Variants in MAP3K20 observed in about 807,000 individuals in gnomAD.
The protein encoded by MAP3K20 is mitogen-activated protein kinase kinase kinase 20.
A neutral mutation model predicts 85.7 loss-of-function variants in MAP3K20; 40 were observed. The ratio of observed to expected loss-of-function variants is 0.47; its 90% CI spans 0.36 to 0.61. The LOEUF is 0.61. Among genes scored for constraint, MAP3K20 ranks in the 20% least tolerant of loss-of-function variants. The pLI is 0.00. For synonymous variants in MAP3K20, 325 were observed against 327.7 expected, an observed-to-expected ratio of 0.99 and a Z score of 0.09; for missense variants, 817 against 961.7, an observed-to-expected ratio of 0.85 and a Z score of 1.99.
chr2:173,252,838 CA>C (rs1206539837), intron 16 of MAP3K20, among the ~76,000 whole-genome samples: 2 of 152,212 alleles, frequency 1.3e-5, no homozygotes, highest in African/African-American at 4.8e-5. Flanking sequence ...GCCAATCATA[CA>C]CAATACCTCC....
At chr2:173,094,673 T>A (rs1442111520) in intron 2 of MAP3K20, among the ~76,000 whole-genome samples, 4 of 152,118 alleles carry the variant, frequency 2.6e-5, no homozygotes, top group Non-Finnish European at 4.4e-5. Flanking sequence ...TGTGATTTCC[T>A]CCCCAGCCCC....
intron 2 of MAP3K20, among the ~76,000 whole-genome samples, chr2:173,129,916 G>C (rs2106199031): frequency 6.6e-6 from 1 of 152,278 alleles, no homozygotes; most frequent in South Asian, 2.1e-4. Context: ...AGTATTTACT[G>C]TTGATAAAGA....
Position 173,266,573 on chromosome 2 carries a change from CATACCAGGG to C in MAP3K20, c.2229_2237del (p.Ile743_Gly745del). The C allele has an allele frequency of 6.2e-7, 1 of 1,613,812 alleles. No homozygotes were observed. Among genetic ancestry groups the C allele is most frequent in the Non-Finnish European group, 8.5e-7 (1 of 1,179,948 alleles). ...CCAGGGACCTCCACCAACCCAACAC[CATACCAGGG>C]ATGCCTTTGCACCCTGAGACTGACT... On this transcript the variant is annotated inframe_deletion, in exon 20 of 20. Coordinates refer to ENST00000375213, the MANE Select transcript of MAP3K20 (RefSeq NM_016653.3).
chr2:173,132,461 A>C (rs1688645635), intron 2 of MAP3K20, among the ~76,000 whole-genome samples: 1 of 152,136 alleles, frequency 6.6e-6, no homozygotes. Flanking sequence ...TTCGGACTCC[A>C]GCTGAAATGC....
At chr2:173,108,423 G>A (rs894106860) in intron 2 of MAP3K20, among the ~76,000 whole-genome samples, 3 of 152,180 alleles carry the variant, frequency 2.0e-5, no homozygotes, top group African/African-American at 4.8e-5. Flanking sequence ...GAGCCACCGC[G>A]CCCGGCATAA....
intron 2 of MAP3K20, among the ~76,000 whole-genome samples, chr2:173,100,009 A>G (rs1031274456): frequency 6.6e-6 from 1 of 152,336 alleles, no homozygotes; most frequent in African/African-American, 2.4e-5. Flanking sequence ...CAGCAGCTAG[A>G]TGTCATCTTT....
intron 2 of MAP3K20, among the ~76,000 whole-genome samples, chr2:173,162,367 C>G (rs1176926203): frequency 1.3e-5 from 2 of 152,054 alleles, no homozygotes; most frequent in African/African-American, 4.8e-5. Flanking sequence ...CTGCCACACT[C>G]TGATGAAATG....
intron 14 of MAP3K20, 141 bp downstream of exon 14, chr2:173,232,600 T>C: frequency 8.0e-7 from 1 of 1,256,834 alleles, no homozygotes; most frequent in Non-Finnish European, 1.1e-6. Context: ...GCCTCCTGGG[T>C]TCAAGTGATT....
At chr2:173,220,478 A>C (rs970466383) in intron 11 of MAP3K20, among the ~76,000 whole-genome samples, 1 of 115,766 alleles carries the variant, frequency 8.6e-6, no homozygotes, top group Non-Finnish European at 1.8e-5. Flanking sequence ...CGTCTAACTT[A>C]AATGTGAGAC....
intron 2 of MAP3K20, among the ~76,000 whole-genome samples, chr2:173,143,154 A>G (rs1689026145): frequency 6.6e-6 from 1 of 152,234 alleles, no homozygotes; most frequent in South Asian, 2.1e-4. Flanking sequence ...AAAGAGGGGT[A>G]TGCAAATAGA....
chr2:173,101,317 A>T (rs1025492843), intron 2 of MAP3K20, among the ~76,000 whole-genome samples: 2 of 152,206 alleles, frequency 1.3e-5, no homozygotes, highest in African/African-American at 4.8e-5. Flanking sequence ...AATTTTTAAA[A>T]ATCCTTTCAA....
chr2:173,113,964 C>T (rs976213967), intron 2 of MAP3K20, among the ~76,000 whole-genome samples: 9 of 152,042 alleles, frequency 5.9e-5, no homozygotes, highest in African/African-American at 1.9e-4. Flanking sequence ...TCTTGATGAC[C>T]TGTCTAGTGC....
intron 14 of MAP3K20, among the ~76,000 whole-genome samples, chr2:173,234,200 G>A (rs943932064): frequency 2.6e-5 from 4 of 152,214 alleles, no homozygotes; most frequent in African/African-American, 9.7e-5. Flanking sequence ...TTAAGGATCA[G>A]TTCGGAGGAA....
chr2:173,238,324 C>A (rs759884756), intron 14 of MAP3K20, 49 bp from the exon 15 acceptor site: 1 of 1,513,384 alleles, frequency 6.6e-7, no homozygotes, highest in East Asian at 2.3e-5. Flanking sequence ...TTTTAGTCTT[C>A]TCTTGGTATT....
At chr2:173,206,757 A>G (rs1683699385) in intron 9 of MAP3K20, among the ~76,000 whole-genome samples, 1 of 152,154 alleles carries the variant, frequency 6.6e-6, no homozygotes, top group Non-Finnish European at 1.5e-5. Flanking sequence ...GTATTTGCCT[A>G]TTGCACATTA....
chr2:173,222,830 G>T, intron 11 of MAP3K20: 1 of 985,338 alleles, frequency 1.0e-6, no homozygotes. Context: ...GGCTAGCCAA[G>T]GATATTCTCA....
In MAP3K20 at chr2:173,241,011, G is replaced by A. The variant is rs529731211; in HGVS notation, c.1359+1515G>A. ...TTATGTTAAGTGAAATAAGCCAGTC[G>A]CAGAAAGACGGAAGCTAAAAATTAA... On this transcript the variant is annotated intron_variant, in intron 16 of 19. Transcript: ENST00000375213. 8.5e-5 allele frequency among the ~76,000 whole-genome samples: 13 copies of A among 152,232 alleles called. No individual in the cohort carries two copies. In the South Asian group the frequency reaches 1.5e-3, roughly 17 times the overall value.
chr2:173,145,435 GAT>G (rs1179889659), intron 2 of MAP3K20, among the ~76,000 whole-genome samples: 2 of 152,106 alleles, frequency 1.3e-5, no homozygotes, highest in Non-Finnish European at 2.9e-5. Flanking sequence ...ATATTAAAAA[GAT>G]AACGATTTTC....
chr2:173,217,261 T>TC lies in MAP3K20; in HGVS notation c.987+16dup, dbSNP rs1684102309. Reference sequence around the variant, plus strand: ...CAGTCCAACACCCCGGTGAGTACCCTCCCCCTTCGCCGTCTTTCCACATGC... The same window carrying TC: ...CAGTCCAACACCCCGGTGAGTACCCTCCCCCCTTCGCCGTCTTTCCACATGC... On this transcript the variant is annotated intron_variant, in intron 11 of 19. Transcript: ENST00000375213. The TC allele has an allele frequency of 2.0e-6, 3 of 1,533,604 alleles. No homozygotes were observed. The highest frequency in any genetic ancestry group is 1.8e-6 in the Non-Finnish European group (2 of 1,138,814). The allele number at this position is 1,533,604 out of a possible 1,614,324, so 95.0% of individuals were successfully genotyped here.
Sources: gnomAD v4.1 joint callset for allele counts (sites outside exome capture counted in the v4.1 genomes callset) on GRCh38, gnomAD v4.1.1 for gene constraint, MANE v1.5 for transcripts, NCBI Gene and HGNC (gene_info 2026-07-23, HGNC 2026-07-21) for gene names.